The following CNTN3 variants were observed in gnomAD, a reference collection of about 807,000 sequenced individuals.
The protein encoded by CNTN3 is contactin-3.
Under a neutral mutation model 119.1 loss-of-function variants are expected in CNTN3, and 60 were observed. The observed-to-expected ratio is 0.50, with a 90% CI of 0.41 to 0.62. CNTN3 has a LOEUF of 0.62. Among genes scored for constraint, CNTN3 ranks in the 20% least tolerant of loss-of-function variants. CNTN3 has a pLI of 0.00. For synonymous variants in CNTN3, 450 were observed against 438.7 expected, an observed-to-expected ratio of 1.03 and a Z score of -0.32; for missense variants, 1,101 against 1,242.4, an observed-to-expected ratio of 0.89 and a Z score of 1.71.
chr3:74,506,768 CTCTT>C (rs1372409380), intron 2 of CNTN3, among the ~76,000 whole-genome samples: 11 of 151,258 alleles, frequency 7.3e-5, no homozygotes, highest in Admixed American at 4.6e-4. Context: ...CTTACATTCC[CTCTT>C]TCTATTATAC....
At chr3:74,276,218 A>T (rs1033558884) in intron 20 of CNTN3, among the ~76,000 whole-genome samples, 1 of 152,164 alleles carries the variant, frequency 6.6e-6, no homozygotes, top group Admixed American at 6.5e-5. Flanking sequence ...CCATGACAGC[A>T]CTAGACAGTC....
At chr3:74,569,465 A>G (rs936557813) in intron 1 of CNTN3, among the ~76,000 whole-genome samples, 31 of 152,114 alleles carry the variant, frequency 2.0e-4, no homozygotes, top group African/African-American at 7.5e-4. Flanking sequence ...TCGCGTTATA[A>G]AACTGCCCAA....
chr3:74,481,205 G>A (rs190959834), intron 4 of CNTN3, among the ~76,000 whole-genome samples: 2 of 151,782 alleles, frequency 1.3e-5, no homozygotes, highest in South Asian at 2.1e-4. Context: ...GATAGATTAG[G>A]CATCAGTAAT....
At chr3:74,474,149 T>C (rs1417621861) in intron 4 of CNTN3, among the ~76,000 whole-genome samples, 1 of 152,114 alleles carries the variant, frequency 6.6e-6, no homozygotes, top group African/African-American at 2.4e-5. Flanking sequence ...CAGGTGGTAC[T>C]GGTGGGAAGA....
intron 2 of CNTN3, among the ~76,000 whole-genome samples, chr3:74,509,922 C>T (rs1294450692): frequency 6.6e-6 from 1 of 151,904 alleles, no homozygotes; most frequent in Non-Finnish European, 1.5e-5. Context: ...TTGTTTTTCA[C>T]TCTTATCACC....
chr3:74,518,741 A>T (rs1166336048), intron 2 of CNTN3, among the ~76,000 whole-genome samples: 2 of 151,948 alleles, frequency 1.3e-5, no homozygotes, highest in African/African-American at 4.8e-5. Flanking sequence ...GAAGACTAGT[A>T]CAGAAATTCA....
intron 1 of CNTN3, among the ~76,000 whole-genome samples, chr3:74,562,545 G>A (rs1218671120): frequency 6.6e-6 from 1 of 152,092 alleles, no homozygotes; most frequent in African/African-American, 2.4e-5. Context: ...AAACTCAAAA[G>A]GGAAAACGAG....
intron 5 of CNTN3, among the ~76,000 whole-genome samples, chr3:74,396,651 C>T (rs1342287884): frequency 1.4e-5 from 2 of 147,796 alleles, no homozygotes; most frequent in East Asian, 4.1e-4. Flanking sequence ...GAGGCTGAGG[C>T]AGGAGAATGG....
intron 4 of CNTN3, among the ~76,000 whole-genome samples, chr3:74,463,478 C>T (rs576380006): frequency 1.4e-4 from 22 of 152,208 alleles, no homozygotes; most frequent in African/African-American, 4.6e-4. Context: ...ATGGTTCTTT[C>T]TCTCATTATG....
intron 1 of CNTN3, among the ~76,000 whole-genome samples, chr3:74,541,049 T>G (rs1703835896): frequency 6.6e-6 from 1 of 152,020 alleles, no homozygotes; most frequent in Non-Finnish European, 1.5e-5. Flanking sequence ...TAGGTAAAAC[T>G]AATAGCAGGA....
In CNTN3 at chr3:74,263,211, C is replaced by T. The variant is rs1362624475; in HGVS notation, c.*1190G>A. The T allele has an allele frequency of 1.3e-5, 2 of 152,078 alleles. No homozygotes were observed. The highest frequency in any genetic ancestry group is 1.9e-4 in the East Asian group (1 of 5,196). 9.4% of individuals were successfully genotyped at this position (152,078 alleles called of 1,614,324 possible). On this transcript the variant is annotated 3_prime_UTR_variant, in exon 23 of 23. Coordinates refer to ENST00000263665, the MANE Select transcript of CNTN3 (RefSeq NM_020872.3). ...GTCTTCAACAATTTTTTGAAAACCACATATTGAAAGACTGAGTCATACATA... is the reference window on the plus strand; with the variant it reads ...GTCTTCAACAATTTTTTGAAAACCATATATTGAAAGACTGAGTCATACATA...
At chr3:74,537,318 T>C (rs1378046375) in intron 1 of CNTN3, among the ~76,000 whole-genome samples, 4 of 152,068 alleles carry the variant, frequency 2.6e-5, no homozygotes, top group Admixed American at 6.5e-5. Flanking sequence ...TTTAGGGAAG[T>C]AGTCGCCACG....
rs1457283026 is a variant in CNTN3, at chr3:74,262,864, T to C, written c.*1537A>G. The C allele has an allele frequency of 6.6e-6, 1 of 152,142 alleles. No individual in the cohort carries two copies. Among genetic ancestry groups the C allele is most frequent in the East Asian group, 1.9e-4 (1 of 5,196 alleles). 9.4% of individuals were successfully genotyped at this position (152,142 alleles called of 1,614,324 possible). On this transcript the variant is annotated 3_prime_UTR_variant, in exon 23 of 23. Coordinates refer to ENST00000263665, the MANE Select transcript of CNTN3 (RefSeq NM_020872.3). ...ACAATGGTCATATGAAATCTACTAG[T>C]CATTCAGATTGTTTCAATATATACA...
intron 3 of CNTN3, among the ~76,000 whole-genome samples, chr3:74,499,224 C>T (rs1366957533): frequency 6.6e-6 from 1 of 151,770 alleles, no homozygotes; most frequent in Non-Finnish European, 1.5e-5. Context: ...GGTAAGAATA[C>T]ATTTTATTCT....
intron 3 of CNTN3, among the ~76,000 whole-genome samples, chr3:74,495,984 A>G (rs1703055720): frequency 6.6e-6 from 1 of 152,080 alleles, no homozygotes. Flanking sequence ...ACATTCTGCA[A>G]GCCTGGACAT....
At position 74,561,248 on chromosome 3, in the gene CNTN3, A is replaced by T. The variant is rs531344359; in HGVS notation, c.-80-40056T>A. Among the ~76,000 whole-genome samples, 3 of 152,146 alleles carry T rather than the reference A, an allele frequency of 2.0e-5. No homozygotes were observed. In the South Asian group the frequency reaches 6.2e-4, roughly 32 times the overall value. ...ACTGACAGTTAACTAGTCTGCTTCC[A>T]TTCCTGCCATCCTCCTTGCTATTCT... On this transcript the variant is annotated intron_variant, in intron 1 of 22. Transcript: ENST00000263665.
intron 5 of CNTN3, among the ~76,000 whole-genome samples, chr3:74,424,406 T>TAC (rs68147502): frequency 0.59 from 88,258 of 148,458 alleles, 29,060 homozygotes; most frequent in East Asian, 0.81. Context: ...TATATATATA[T>TAC]ATATAAAATA....
rs562470326 is a variant in CNTN3, at chr3:74,262,610, C to G, written c.*1791G>C. 1 of 152,490 alleles carries G rather than the reference C, an allele frequency of 6.6e-6. No homozygotes were observed. Among genetic ancestry groups the G allele is most frequent in the Non-Finnish European group, 1.5e-5 (1 of 67,964 alleles). The allele number at this position is 152,490 out of a possible 1,614,324, so 9.4% of individuals were successfully genotyped here. A position where few individuals can be genotyped will look rare whatever the true frequency, so the allele number is the denominator to read the frequency against. ...TTATTAGAATAGAAAATAATACATA[C>G]AGATAACCATAGGATACACACACAG... is the stretch of plus-strand genomic sequence containing the variant. On this transcript the variant is annotated 3_prime_UTR_variant, in exon 23 of 23. Transcript: ENST00000263665.
In CNTN3 at chr3:74,455,552, A is replaced by T. The variant is rs551768760; in HGVS notation, c.359-30612T>A. Among the ~76,000 whole-genome samples, 9 of 152,176 alleles carry T rather than the reference A, an allele frequency of 5.9e-5. No homozygotes were observed. In the South Asian group the frequency reaches 1.9e-3, roughly 32 times the overall value. ...GTTCCATTGCTGGTGAGGAACTGCG[A>T]TCCTTTGGAGGAGGAGAGGTGCTCT... On this transcript the variant is annotated intron_variant, in intron 4 of 22. Transcript: ENST00000263665.
Sources: gnomAD v4.1 joint callset for allele counts (sites outside exome capture counted in the v4.1 genomes callset) on GRCh38, gnomAD v4.1.1 for gene constraint, MANE v1.5 for transcripts, NCBI Gene and HGNC (gene_info 2026-07-23, HGNC 2026-07-21) for gene names.